The following MAGI1 variants were observed in gnomAD, a reference collection of about 807,000 sequenced individuals.
MAGI1 encodes membrane-associated guanylate kinase, WW and PDZ domain-containing protein 1.
In MAGI1, 58 loss-of-function variants were observed where a neutral mutation model predicts 139.9. The observed-to-expected ratio is 0.41, with a 90% CI of 0.34 to 0.52. The LOEUF is 0.52. MAGI1 is among the 20% of genes least tolerant of loss of function. The pLI, the probability that MAGI1 is intolerant of heterozygous loss-of-function variation, is 0.12. For missense variants in MAGI1, 1,874 were observed against 1,901.6 expected (o/e 0.99, Z 0.27); for synonymous variants, 812 against 737.9 (o/e 1.10, Z -1.63).
intron 1 of MAGI1, among the ~76,000 whole-genome samples, chr3:65,661,745 G>GTTTTTTTTTTTT (rs11369893): frequency 4.5e-4 from 42 of 93,922 alleles, no homozygotes; most frequent in East Asian, 9.3e-4. Context: ...GTTTTTTTCT[G>GTTTTTTTTTTTT]TTTTTTTTTT....
Position 65,662,381 on chromosome 3 carries a change from C to T in MAGI1, c.314-40293G>A, listed in dbSNP as rs992836469. Among the ~76,000 whole-genome samples the T allele has an allele frequency of 2.5e-4, 38 of 152,180 alleles. 1 individual carries two copies. Among genetic ancestry groups the T allele is most frequent in the South Asian group, 6.2e-4 (3 of 4,822 alleles). Reference sequence around the variant, plus strand: ...CAGACAGTAATTATTTTAGGCTTTGCAGACCATACGGTCTCTGTAGCAACT... The same window carrying T: ...CAGACAGTAATTATTTTAGGCTTTGTAGACCATACGGTCTCTGTAGCAACT... On this transcript the variant is annotated intron_variant, in intron 1 of 22. Coordinates refer to ENST00000402939, the MANE Select transcript of MAGI1 (RefSeq NM_001033057.2).
At chr3:65,392,611 C>T (rs1440549022) in intron 13 of MAGI1, among the ~76,000 whole-genome samples, 1 of 152,162 alleles carries the variant, frequency 6.6e-6, no homozygotes, top group Non-Finnish European at 1.5e-5. Flanking sequence ...GGCCATTCTT[C>T]CTTGCTGTCT....
At chr3:65,875,557 C>T (rs181794496) in intron 1 of MAGI1, among the ~76,000 whole-genome samples, 12 of 152,160 alleles carry the variant, frequency 7.9e-5, no homozygotes, top group Non-Finnish European at 1.5e-4. Context: ...CAGAGGTGCA[C>T]AGATCTATTT....
chr3:65,460,252 T>C (rs963839436), intron 5 of MAGI1, among the ~76,000 whole-genome samples: 2 of 152,226 alleles, frequency 1.3e-5, no homozygotes, highest in Non-Finnish European at 2.9e-5. Context: ...CACTTGATCA[T>C]GGGAAATTGC....
intron 1 of MAGI1, among the ~76,000 whole-genome samples, chr3:65,827,916 C>T (rs1193770916): frequency 1.3e-5 from 2 of 152,116 alleles, no homozygotes; most frequent in Non-Finnish European, 2.9e-5. Context: ...TTAATAGCAT[C>T]TTTATGTCTA....
intron 1 of MAGI1, among the ~76,000 whole-genome samples, chr3:65,850,130 A>G (rs1469858604): frequency 6.6e-6 from 1 of 152,116 alleles, no homozygotes; most frequent in Non-Finnish European, 1.5e-5. Flanking sequence ...TGAATACCCT[A>G]TTTCTTTATA....
chr3:65,631,135 GGAA>G (rs2084278408), intron 1 of MAGI1, among the ~76,000 whole-genome samples: 1 of 152,294 alleles, frequency 6.6e-6, no homozygotes, highest in African/African-American at 2.4e-5. Flanking sequence ...GGAGTGTCTA[GGAA>G]GAAGGACAGG....
intron 2 of MAGI1, among the ~76,000 whole-genome samples, chr3:65,520,289 A>C (rs1474699379): frequency 1.3e-5 from 2 of 152,232 alleles, no homozygotes; most frequent in African/African-American, 4.8e-5. Flanking sequence ...CGATAGCTCA[A>C]ACTAGCCGTA....
chr3:65,943,721 T>G (rs2063425982), intron 1 of MAGI1, among the ~76,000 whole-genome samples: 1 of 152,186 alleles, frequency 6.6e-6, no homozygotes, highest in Non-Finnish European at 1.5e-5. Context: ...CTACAGTCAC[T>G]AATCTTGTCC....
At chr3:65,494,551 G>A (rs1281832922) in intron 2 of MAGI1, among the ~76,000 whole-genome samples, 1 of 152,176 alleles carries the variant, frequency 6.6e-6, no homozygotes. Context: ...AAAAAAAAGA[G>A]CAAAAAATGT....
intron 1 of MAGI1, among the ~76,000 whole-genome samples, chr3:65,718,080 C>A (rs1559816179): frequency 6.6e-6 from 1 of 152,122 alleles, no homozygotes; most frequent in East Asian, 1.9e-4. Flanking sequence ...ACACTCGGGA[C>A]CTTGAATTGA....
chr3:65,675,863 G>A (rs922277897), intron 1 of MAGI1, among the ~76,000 whole-genome samples: 2 of 152,170 alleles, frequency 1.3e-5, no homozygotes, highest in Non-Finnish European at 2.9e-5. Context: ...AAACAATTGG[G>A]CTGAGCTGCT....
intron 1 of MAGI1, among the ~76,000 whole-genome samples, chr3:66,006,498 T>C (rs936336543): frequency 7.2e-5 from 11 of 152,226 alleles, no homozygotes; most frequent in African/African-American, 2.2e-4. Flanking sequence ...TGTATGGGTA[T>C]GTATATGTGT....
intron 2 of MAGI1, among the ~76,000 whole-genome samples, chr3:65,610,519 T>C (rs1036880094): frequency 7.9e-5 from 12 of 151,750 alleles, no homozygotes; most frequent in African/African-American, 2.7e-4. Context: ...CTGAAACAGA[T>C]ATATCTTTTT....
chr3:65,692,525 G>C (rs2088771358), intron 1 of MAGI1, among the ~76,000 whole-genome samples: 1 of 152,232 alleles, frequency 6.6e-6, no homozygotes, highest in East Asian at 1.9e-4. Context: ...ATATCCCTGA[G>C]AGATAGCCAG....
intron 1 of MAGI1, among the ~76,000 whole-genome samples, chr3:65,963,237 G>A (rs1172509766): frequency 9.3e-5 from 14 of 150,622 alleles, no homozygotes; most frequent in Admixed American, 6.6e-4. Context: ...GCTTGAACCC[G>A]GGAGGTGGAG....
chr3:65,561,658 G>A lies in MAGI1; in HGVS notation c.430+60314C>T, dbSNP rs1318953862. The stretch of plus-strand genomic sequence containing the variant: ...TTAGAAATAATTTACATCAACTCTC[G>A]TTTTATACATGACAAAACTAAGACA... On this transcript the variant is annotated intron_variant, in intron 2 of 22. Transcript: ENST00000402939. Among the ~76,000 whole-genome samples, 7 of 152,266 alleles carry A rather than the reference G, an allele frequency of 4.6e-5. No homozygotes were observed. The East Asian group carries it at 5.8e-4, about 13-fold the overall frequency.
chr3:65,936,052 G>A (rs2063035349), intron 1 of MAGI1, among the ~76,000 whole-genome samples: 3 of 152,200 alleles, frequency 2.0e-5, no homozygotes, highest in Admixed American at 6.5e-5. Context: ...TACTAAGCCT[G>A]GGGGCTTTGT....
intron 1 of MAGI1, among the ~76,000 whole-genome samples, chr3:65,949,435 TC>T (rs2063691708): frequency 6.6e-6 from 1 of 152,254 alleles, no homozygotes; most frequent in East Asian, 1.9e-4. Context: ...TCTGTCTCAA[TC>T]GTCATTTAGA....
Sources: allele counts gnomAD v4.1 joint callset (sites outside exome capture counted in the v4.1 genomes callset), GRCh38; gene constraint gnomAD v4.1.1; transcripts MANE v1.5; gene names NCBI Gene and HGNC (gene_info 2026-07-23, HGNC 2026-07-21).